Variants in PRKG1 observed in about 807,000 individuals in gnomAD.
PRKG1 encodes cGMP-dependent protein kinase 1.
A neutral mutation model predicts 88.1 loss-of-function variants in PRKG1; 35 were observed. That is an observed-to-expected ratio of 0.40 (90% CI 0.30 to 0.53). The LOEUF is 0.53. Among genes scored for constraint, PRKG1 ranks in the 20% least tolerant of loss-of-function variants. The pLI is 0.59. For missense variants in PRKG1, 540 were observed against 839.8 expected, an observed-to-expected ratio of 0.64 and a Z score of 4.41; for synonymous variants, 303 against 292.5, an observed-to-expected ratio of 1.04 and a Z score of -0.37.
At chr10:50,998,542 G>A (rs938732671) in intron 1 of PRKG1, among the ~76,000 whole-genome samples, 4 of 152,216 alleles carry the variant, frequency 2.6e-5, no homozygotes, top group Admixed American at 6.5e-5. Flanking sequence ...TAGGTCAGGA[G>A]TTTGAGGCCA....
chr10:51,095,835 AGGT>A (rs1844515204), intron 1 of PRKG1, among the ~76,000 whole-genome samples: 1 of 152,192 alleles, frequency 6.6e-6, no homozygotes, highest in African/African-American at 2.4e-5. Context: ...TTCACATTTA[AGGT>A]AGAAATAGTA....
At chr10:51,581,555 G>T (rs1238592492) in intron 3 of PRKG1, among the ~76,000 whole-genome samples, 1 of 152,018 alleles carries the variant, frequency 6.6e-6, no homozygotes, top group African/African-American at 2.4e-5. Flanking sequence ...TGCTTTTCTG[G>T]GATAGGAATC....
chr10:51,367,660 A>C (rs1389665381), intron 2 of PRKG1, among the ~76,000 whole-genome samples: 1 of 151,900 alleles, frequency 6.6e-6, no homozygotes, highest in African/African-American at 2.4e-5. Flanking sequence ...CATCTAAAGC[A>C]AGCAAAGACT....
chr10:51,167,703 G>A (rs898212031), intron 2 of PRKG1, among the ~76,000 whole-genome samples: 2 of 152,142 alleles, frequency 1.3e-5, no homozygotes, highest in Admixed American at 1.3e-4. Flanking sequence ...TGGATTAGAT[G>A]TGGGTGTGAG....
chr10:51,888,934 A>G (rs1001702865), intron 4 of PRKG1, among the ~76,000 whole-genome samples: 2 of 152,190 alleles, frequency 1.3e-5, no homozygotes, highest in Non-Finnish European at 2.9e-5. Context: ...TTAATGTCAC[A>G]TAGTTACAAA....
At chr10:51,672,869 T>C in intron 3 of PRKG1, among the ~76,000 whole-genome samples, 1 of 152,222 alleles carries the variant, frequency 6.6e-6, no homozygotes, top group East Asian at 1.9e-4. Context: ...AATTCTTGTG[T>C]TGGTTTCCTT....
At chr10:51,712,546 C>CT (rs1185543887) in intron 3 of PRKG1, among the ~76,000 whole-genome samples, 3 of 117,250 alleles carry the variant, frequency 2.6e-5, no homozygotes, top group Admixed American at 8.5e-5. Flanking sequence ...ACAACTCTGT[C>CT]TTTTTTATAA....
chr10:51,756,992 C>T (rs1837885023), intron 3 of PRKG1, among the ~76,000 whole-genome samples: 1 of 151,932 alleles, frequency 6.6e-6, no homozygotes, highest in Non-Finnish European at 1.5e-5. Context: ...GATTAGAAGG[C>T]TTATATTTGC....
At chr10:51,912,606 A>C (rs964089874) in intron 5 of PRKG1, among the ~76,000 whole-genome samples, 1 of 152,242 alleles carries the variant, frequency 6.6e-6, no homozygotes, top group South Asian at 2.1e-4. Flanking sequence ...AAACAAGTGT[A>C]ACCAGACAAA....
rs373805713 is a variant in PRKG1 at position 51,174,292 on chromosome 10, C to T, written c.478+20962C>T. ...TAAAATAATTAATAAATAATGCCTT[C>T]CTGCAAGGGTGCTTGTGATCATGAA... On this transcript the variant is annotated intron_variant, in intron 2 of 17. Transcript: ENST00000373980. Among the ~76,000 whole-genome samples, 14 of 151,982 alleles carry T rather than the reference C, an allele frequency of 9.2e-5. No individual in the cohort carries two copies. In the East Asian group the frequency reaches 2.3e-3, roughly 25 times the overall value.
intron 3 of PRKG1, among the ~76,000 whole-genome samples, chr10:51,760,564 C>T (rs537759916): frequency 5.7e-4 from 87 of 151,834 alleles, no homozygotes; most frequent in African/African-American, 2.0e-3. Context: ...CTCTGCCTCC[C>T]GGGTTCAAAC....
chr10:52,127,116 T>C (rs974048346), intron 7 of PRKG1, among the ~76,000 whole-genome samples: 3 of 151,860 alleles, frequency 2.0e-5, no homozygotes, highest in Non-Finnish European at 2.9e-5. Context: ...TGTGGGAATG[T>C]GAAGGAAGGA....
At chr10:51,524,247 G>A (rs181645946) in intron 3 of PRKG1, among the ~76,000 whole-genome samples, 31 of 152,160 alleles carry the variant, frequency 2.0e-4, no homozygotes, top group Non-Finnish European at 4.0e-4. Flanking sequence ...GCAATCTCAC[G>A]TATTTGTTTA....
At chr10:51,182,030 C>T (rs1837360947) in intron 2 of PRKG1, among the ~76,000 whole-genome samples, 1 of 152,192 alleles carries the variant, frequency 6.6e-6, no homozygotes, top group African/African-American at 2.4e-5. Flanking sequence ...TGTCTTGAGG[C>T]TCCAATTTCC....
rs544659060 is a variant in PRKG1 at position 51,407,877 on chromosome 10, C to G, written c.479-59846C>G. 3.9e-5 allele frequency among the ~76,000 whole-genome samples: 6 copies of G among 152,258 alleles called. No individual in the cohort carries two copies. The East Asian group carries it at 1.2e-3, about 29-fold the overall frequency. Reference sequence around the variant, plus strand: ...ATCTTGATAGTCTGGGTCAGTCACCCCAGCCAACATTGTAACTCCCTTCTT... The same window carrying G: ...ATCTTGATAGTCTGGGTCAGTCACCGCAGCCAACATTGTAACTCCCTTCTT... On this transcript the variant is annotated intron_variant, in intron 2 of 17. Coordinates refer to ENST00000373980, the MANE Select transcript of PRKG1 (RefSeq NM_006258.4).
intron 3 of PRKG1, among the ~76,000 whole-genome samples, chr10:51,788,266 C>T (rs1031791375): frequency 2.6e-5 from 4 of 152,138 alleles, no homozygotes; most frequent in Non-Finnish European, 2.9e-5. Context: ...CCTCTGCATT[C>T]GTGTCAATTA....
At chr10:51,993,277 G>A (rs1844357424) in intron 5 of PRKG1, among the ~76,000 whole-genome samples, 1 of 151,478 alleles carries the variant, frequency 6.6e-6, no homozygotes, top group Admixed American at 6.6e-5. Context: ...AGTGGCTCTG[G>A]CTCAGTAGTA....
Position 51,916,359 on chromosome 10 carries a change from C to T in PRKG1, c.762+8789C>T, listed in dbSNP as rs1055363737. 2.0e-4 allele frequency among the ~76,000 whole-genome samples: 31 copies of T among 152,178 alleles called. 1 individual carries two copies. On this transcript the variant is annotated intron_variant, in intron 5 of 17. Transcript: ENST00000373980. ...CTCCCACCAGCACCATGACAGTTTA[C>T]AAATGCCACGGCAACATCAGGAAGT...
intron 9 of PRKG1, among the ~76,000 whole-genome samples, chr10:52,232,227 C>T (rs899395426): frequency 6.6e-6 from 1 of 151,854 alleles, no homozygotes; most frequent in Admixed American, 6.6e-5. Context: ...TGCTCGAACC[C>T]GGGAGGTGGA....
Sources: allele counts gnomAD v4.1 joint callset (sites outside exome capture counted in the v4.1 genomes callset), GRCh38; gene constraint gnomAD v4.1.1; transcripts MANE v1.5; gene names NCBI Gene and HGNC (gene_info 2026-07-23, HGNC 2026-07-21).